Variants in TMF1 observed in about 807,000 individuals in gnomAD.
TMF1 encodes TATA element modulatory factor 1.
TMF1 carries 71 observed loss-of-function variants against 126.5 expected under a neutral mutation model. The observed-to-expected ratio is 0.56, with a 90% CI of 0.46 to 0.68. The LOEUF is 0.68. Among genes scored for constraint, TMF1 ranks in the 30% least tolerant of loss-of-function variants. The pLI is 0.00. For synonymous variants in TMF1, 461 were observed against 430.5 expected, an observed-to-expected ratio of 1.07 and a Z score of -0.88; for missense variants, 1,259 against 1,253.2, an observed-to-expected ratio of 1.00 and a Z score of -0.07.
chr3:69,048,257 A>G lies in TMF1; in HGVS notation c.448T>C (p.Ser150Pro). 1 of 1,614,164 alleles carries G rather than the reference A, an allele frequency of 6.2e-7. No homozygotes were observed. The highest frequency in any genetic ancestry group is 8.5e-7 in the Non-Finnish European group (1 of 1,180,032). The change falls in exon 2 of 17, where the codon TCA becomes CCA. Residue 150 changes from serine (S) to proline (P), a missense_variant. By Grantham distance (74) the Ser-to-Pro change is moderately conservative. Transcript: ENST00000398559. The stretch of plus-strand genomic sequence containing the variant: ...CACAAAGAAGAGTCTTTTACTTGTG[A>G]TTCAGTTGTTTCAGGAGTTCTTGAC... ...GQSRTPETTE[S>P]QVKDSSLCVS...
At chr3:69,026,755 T>C (rs913314635) in intron 13 of TMF1, among the ~76,000 whole-genome samples, 2 of 152,104 alleles carry the variant, frequency 1.3e-5, no homozygotes, top group African/African-American at 2.4e-5. Flanking sequence ...AGAATGTTTC[T>C]GTTAAGCTTC....
At chr3:69,044,004 G>T in intron 3 of TMF1, 128 bp from the exon 4 acceptor site, 1 of 636,846 alleles carries the variant, frequency 1.6e-6, no homozygotes, top group Non-Finnish European at 2.3e-6. Flanking sequence ...AACAGTTTTA[G>T]GCCTATTAAC....
chr3:69,041,957 A>C (rs1355614634), intron 5 of TMF1, among the ~76,000 whole-genome samples: 1 of 152,224 alleles, frequency 6.6e-6, no homozygotes, highest in Non-Finnish European at 1.5e-5. Context: ...ATATTACATG[A>C]AGAAATTAAT....
At chr3:69,033,524 G>T in intron 10 of TMF1, 24 bp downstream of exon 10, 1 of 1,599,090 alleles carries the variant, frequency 6.3e-7, no homozygotes, top group Non-Finnish European at 8.5e-7. Flanking sequence ...CTTCTGCATC[G>T]AGCATAAAAA....
Position 69,047,987 on chromosome 3 carries a change from T to G in TMF1, c.718A>C (p.Asn240His). 3.1e-6 allele frequency: 5 copies of G among 1,613,902 alleles called. No homozygotes were observed. The highest frequency in any genetic ancestry group is 4.2e-6 in the Non-Finnish European group (5 of 1,180,022). Reference protein sequence around the residue: ...KEQKHEDRQSNTPSPPVSTFS... With the variant: ...KEQKHEDRQSHTPSPPVSTFS... The stretch of plus-strand genomic sequence containing the variant: ...GTACTAACAGGAGGAGAAGGTGTAT[T>G]GCTCTGCCTGTCTTCATGTTTTTGT... The change falls in exon 2 of 17, where the codon AAT becomes CAT. Residue 240 changes from asparagine (N) to histidine (H), a missense_variant. By Grantham distance (68) the Asn-to-His change is moderately conservative. Transcript: ENST00000398559.
At chr3:69,026,161 A>G in intron 13 of TMF1, 64 bp from the exon 14 acceptor site, 1 of 1,096,660 alleles carries the variant, frequency 9.1e-7, no homozygotes. Context: ...GAAAGCAAGA[A>G]CATTTCCTAG....
At chr3:69,025,933 C>A in intron 14 of TMF1, 63 bp downstream of exon 14, 2 of 1,379,728 alleles carry the variant, frequency 1.4e-6, no homozygotes, top group South Asian at 2.5e-5. Flanking sequence ...ACAATATTGC[C>A]ATTTGCATAT....
chr3:69,027,894 C>A lies in TMF1; in HGVS notation c.2757+6G>T, dbSNP rs754884241. 5 of 1,481,048 alleles carry A rather than the reference C, an allele frequency of 3.4e-6. No individual in the cohort carries two copies. Among genetic ancestry groups the A allele is most frequent in the Non-Finnish European group, 4.7e-6 (5 of 1,068,706 alleles). The allele number at this position is 1,481,048 out of a possible 1,614,324, so 91.7% of individuals were successfully genotyped here. On this transcript the variant is annotated splice_donor_region_variant and intron_variant, in intron 13 of 16. Coordinates refer to ENST00000398559, the MANE Select transcript of TMF1 (RefSeq NM_007114.3). ...ACCACAAACAAACAAAAACAAAATT[C>A]AATACCTTTTCTTTTATTGTTTCTT...
Position 69,023,047 on chromosome 3 carries a change from T to A in TMF1, c.*130A>T, listed in dbSNP as rs986292460. 4.7e-5 allele frequency: 38 copies of A among 813,348 alleles called. No homozygotes were observed. The highest frequency in any genetic ancestry group is 2.9e-4 in the East Asian group (10 of 34,952). The allele number at this position is 813,348 out of a possible 1,614,324, so 50.4% of individuals were successfully genotyped here. A position where few individuals can be genotyped will look rare whatever the true frequency, so the allele number is the denominator to read the frequency against. ...ATTACTACATAGTGTAAAACAATTT[T>A]AAAAAAATTTTTACACTCTACAGTA... is the stretch of plus-strand genomic sequence containing the variant. On this transcript the variant is annotated 3_prime_UTR_variant, in exon 17 of 17. Coordinates refer to ENST00000398559, the MANE Select transcript of TMF1 (RefSeq NM_007114.3).
intron 10 of TMF1, 38 bp from the exon 11 acceptor site, chr3:69,030,045 C>T (rs770457737): frequency 6.4e-7 from 1 of 1,559,624 alleles, no homozygotes; most frequent in South Asian, 1.2e-5. Context: ...CATACACATA[C>T]AGCCCAGAGA....
chr3:69,052,066 G>T lies in TMF1; in HGVS notation c.21C>A (p.Ser7=). MSWFNA[S]QLSSFAKQAL... is the part of the protein sequence containing the mutation. The stretch of plus-strand genomic sequence containing the variant: ...CCTGCTTAGCGAAGCTGGAGAGCTG[G>T]GAGGCGTTGAACCAACTCATCGCCC... Residue 7 remains serine (S), a synonymous_variant, in exon 1 of 17, where the codon TCC becomes TCA. Coordinates refer to ENST00000398559, the MANE Select transcript of TMF1 (RefSeq NM_007114.3). 6.2e-7 allele frequency: 1 copy of T among 1,612,354 alleles called. No individual in the cohort carries two copies.
At chr3:69,037,573 T>C in intron 8 of TMF1, among the ~76,000 whole-genome samples, 1 of 150,576 alleles carries the variant, frequency 6.6e-6, no homozygotes, top group African/African-American at 2.5e-5. Flanking sequence ...ACCTGGGAGG[T>C]GGAGGTTGCA....
At chr3:69,023,374 A>G in intron 16 of TMF1, 54 bp from the exon 17 acceptor site, 9 of 1,397,824 alleles carry the variant, frequency 6.4e-6, no homozygotes, top group Non-Finnish European at 8.9e-6. Flanking sequence ...AACATCTTTA[A>G]TATTTATATT....
At position 69,051,848 on chromosome 3, in the gene TMF1, T is replaced by C. The variant is rs2091931730; in HGVS notation, c.142+97A>G. The C allele has an allele frequency of 4.3e-6, 6 of 1,381,948 alleles. No individual in the cohort carries two copies. The Admixed American group carries it at 1.2e-4, about 29-fold the overall frequency. 85.6% of individuals were successfully genotyped at this position (1,381,948 alleles called of 1,614,324 possible). A position where few individuals can be genotyped will look rare whatever the true frequency, so the allele number is the denominator to read the frequency against. On this transcript the variant is annotated intron_variant, in intron 1 of 16. Coordinates refer to ENST00000398559, the MANE Select transcript of TMF1 (RefSeq NM_007114.3). ...GAGAAATTACTTCCTGAAAACTCTC[T>C]CAGCAAGGAAGGACCCCTCTCTACA...
chr3:69,050,776 T>C (rs982936719), intron 1 of TMF1, among the ~76,000 whole-genome samples: 3 of 152,190 alleles, frequency 2.0e-5, no homozygotes, highest in Non-Finnish European at 4.4e-5. Context: ...GGTCCTGACT[T>C]TTCAATGATG....
intron 13 of TMF1, among the ~76,000 whole-genome samples, chr3:69,026,383 G>A (rs1160621916): frequency 6.6e-6 from 1 of 152,166 alleles, no homozygotes; most frequent in Non-Finnish European, 1.5e-5. Context: ...GATCACCTGA[G>A]GTTGGGAGAT....
At chr3:69,038,540 T>C (rs1176310716) in intron 8 of TMF1, 24 bp downstream of exon 8, 6 of 1,605,438 alleles carry the variant, frequency 3.7e-6, no homozygotes, top group South Asian at 3.3e-5. Context: ...TTAAAACTAC[T>C]CTAATTCATC....
At chr3:69,046,501 A>G (rs546553729) in intron 2 of TMF1, among the ~76,000 whole-genome samples, 10 of 152,324 alleles carry the variant, frequency 6.6e-5, no homozygotes, top group African/African-American at 1.7e-4. Context: ...AACCTGATTA[A>G]CAGAATCTGG....
At chr3:69,044,426 A>T in intron 3 of TMF1, 66 bp downstream of exon 3, 1 of 831,598 alleles carries the variant, frequency 1.2e-6, no homozygotes, top group South Asian at 2.1e-5. Context: ...AACATTCTTA[A>T]ATATGTACAA....
Sources: gnomAD v4.1 joint callset for allele counts (sites outside exome capture counted in the v4.1 genomes callset) on GRCh38, gnomAD v4.1.1 for gene constraint, MANE v1.5 for transcripts, NCBI Gene and HGNC (gene_info 2026-07-23, HGNC 2026-07-21) for gene names.